Variants in FAM135A observed in about 807,000 individuals in gnomAD.
FAM135A encodes the protein family with sequence similarity 135 member A.
A neutral mutation model predicts 146.8 loss-of-function variants in FAM135A; 79 were observed. The observed-to-expected ratio is 0.54, with a 90% CI of 0.45 to 0.65. FAM135A has a LOEUF of 0.65. FAM135A is among the 30% of genes least tolerant of loss of function. The probability of loss-of-function intolerance (pLI) is 0.00; values close to 1 mark genes in which losing one functional copy is unlikely to be tolerated. For missense variants in FAM135A, 1,623 were observed against 1,758.2 expected (o/e 0.92, Z 1.38); for synonymous variants, 562 against 603.6 (o/e 0.93, Z 1.01).
intron 5 of FAM135A, among the ~76,000 whole-genome samples, chr6:70,458,945 T>C (rs1778901722): frequency 1.3e-5 from 2 of 152,218 alleles, no homozygotes; most frequent in Non-Finnish European, 2.9e-5. Flanking sequence ...TAGTAAATTA[T>C]TAAGGAAAGG....
Position 70,523,976 on chromosome 6 carries a change from T to G in FAM135A, c.1113T>G (p.Ser371Arg). 1 of 1,607,928 alleles carries G rather than the reference T, an allele frequency of 6.2e-7. No homozygotes were observed. Among genetic ancestry groups the G allele is most frequent in the Non-Finnish European group, 8.5e-7 (1 of 1,178,302 alleles). ...AIAYQELHAQ[S>R]HLQMCTAIKN... ...AAGAAATATTTTTCAGTGCTCAGAGTCATCTACAGATGTGCACCGCTATCA... is the reference window on the plus strand; with the variant it reads ...AAGAAATATTTTTCAGTGCTCAGAGGCATCTACAGATGTGCACCGCTATCA... Residue 371 changes from serine (S) to arginine (R), a missense_variant, in exon 14 of 22, where the codon AGT becomes AGG. Physicochemically the swap from Ser to Arg is moderately radical, Grantham distance 110 (BLOSUM62 -1). Transcript: ENST00000418814.
intron 4 of FAM135A, among the ~76,000 whole-genome samples, chr6:70,447,357 G>A (rs893805057): frequency 6.6e-6 from 1 of 152,236 alleles, no homozygotes; most frequent in Non-Finnish European, 1.5e-5. Flanking sequence ...CCAGGGAACA[G>A]AAGTAGATAT....
At chr6:70,444,942 TTC>T (rs973506600) in intron 4 of FAM135A, among the ~76,000 whole-genome samples, 3 of 152,240 alleles carry the variant, frequency 2.0e-5, no homozygotes, top group Non-Finnish European at 4.4e-5. Flanking sequence ...ATTTTACTTT[TTC>T]TGTTTTTTAT....
At chr6:70,460,974 C>G (rs1779327256) in intron 5 of FAM135A, among the ~76,000 whole-genome samples, 1 of 151,802 alleles carries the variant, frequency 6.6e-6, no homozygotes, top group African/African-American at 2.4e-5. Context: ...TAGGCACGCA[C>G]CACCACGCCT....
intron 10 of FAM135A, among the ~76,000 whole-genome samples, chr6:70,487,786 C>T (rs563839185): frequency 1.3e-5 from 2 of 152,184 alleles, no homozygotes; most frequent in East Asian, 3.9e-4. Flanking sequence ...TTATTGCCAG[C>T]CTATCAGTTT....
chr6:70,559,914 T>A lies in FAM135A; in HGVS notation c.4541T>A (p.Phe1514Tyr), dbSNP rs1277759617. ...TTTCTGGTTGCTGCCCTCAAATATT[T>A]CCAATAGTATAAAAGCATTGTTAGC... is the stretch of plus-strand genomic sequence containing the variant. The part of the protein sequence containing the change: ...KFFLVAALKY[F>Y]Q Residue 1514 changes from phenylalanine to tyrosine, a missense_variant, in exon 22 of 22, where the codon TTC becomes TAC. Phe to Tyr is a conservative substitution (Grantham distance 22). Transcript: ENST00000418814. 1.2e-6 allele frequency: 2 copies of A among 1,611,406 alleles called. No homozygotes were observed. Among genetic ancestry groups the A allele is most frequent in the Non-Finnish European group, 1.7e-6 (2 of 1,178,278 alleles).
intron 5 of FAM135A, among the ~76,000 whole-genome samples, chr6:70,460,843 GCTAT>G (rs1779281655): frequency 6.8e-6 from 1 of 147,594 alleles, no homozygotes; most frequent in Non-Finnish European, 1.5e-5. Flanking sequence ...TAGATAGATA[GCTAT>G]CTTTTTTTTT....
rs1325691982 is a variant in FAM135A, at chr6:70,524,823, C to G, written c.1739C>G (p.Thr580Arg). ...QKEASCLPTNTERTEQKSPDI... is the reference protein window; with the variant it reads ...QKEASCLPTNRERTEQKSPDI... ...GAAGCTAGCTGTTTGCCAACTAATA[C>G]AGAGAGAACTGAACAAAAGTCTCCA... The change falls in exon 15 of 22, where the codon ACA becomes AGA. Residue 580 changes from threonine (T) to arginine (R), a missense_variant. Thr to Arg is a moderately conservative substitution (Grantham distance 71). This residue lies in a region of FAM135A where 1,061 missense variants were observed against 1,113.8 expected (regional missense o/e 0.95). Coordinates refer to ENST00000418814, the MANE Select transcript of FAM135A (RefSeq NM_001162529.3). The G allele has an allele frequency of 1.3e-6, 2 of 1,568,340 alleles. No individual in the cohort carries two copies. The highest frequency in any genetic ancestry group is 1.7e-6 in the Non-Finnish European group (2 of 1,155,750).
At chr6:70,549,364 A>C (rs1164046764) in intron 20 of FAM135A, among the ~76,000 whole-genome samples, 1 of 152,168 alleles carries the variant, frequency 6.6e-6, no homozygotes, top group African/African-American at 2.4e-5. Flanking sequence ...CAAAATATTA[A>C]GTGAAAAAAG....
rs1195848306 is a variant in FAM135A at position 70,538,362 on chromosome 6, C to A, written c.4189C>A (p.Pro1397Thr). 1 of 1,511,852 alleles carries A rather than the reference C, an allele frequency of 6.6e-7. No individual in the cohort carries two copies. The highest frequency in any genetic ancestry group is 8.9e-7 in the Non-Finnish European group (1 of 1,123,538). 93.7% of individuals were successfully genotyped at this position (1,511,852 alleles called of 1,614,324 possible). A position where few individuals can be genotyped will look rare whatever the true frequency, so the allele number is the denominator to read the frequency against. The change falls in exon 20 of 22, where the codon CCT becomes ACT. Residue 1397 changes from proline to threonine, a missense_variant. By Grantham distance (38) the Pro-to-Thr change is conservative. This residue lies in a region of FAM135A where 138 missense variants were observed against 174.1 expected (regional missense o/e 0.79). Coordinates refer to ENST00000418814, the MANE Select transcript of FAM135A (RefSeq NM_001162529.3). ...LQLTCRDHSD[P>T]RQTFLYKLSN... ...GCTGACATGTCGAGATCACTCAGACCCTCGCCAAACTTTTTTATATAAGCT... is the reference window on the plus strand; with the variant it reads ...GCTGACATGTCGAGATCACTCAGACACTCGCCAAACTTTTTTATATAAGCT...
intron 11 of FAM135A, among the ~76,000 whole-genome samples, chr6:70,498,241 G>T (rs1299925005): frequency 6.6e-6 from 1 of 152,080 alleles, no homozygotes; most frequent in African/African-American, 2.4e-5. Flanking sequence ...ATTTCTTCCA[G>T]ATTTTCTAGT....
Position 70,526,750 on chromosome 6 carries a change from TACACACACACACACATACACACAC to T in FAM135A, c.3614+68_3614+91del, listed in dbSNP as rs1382878177. 20 of 851,538 alleles carry T rather than the reference TACACACACACACACATACACACAC, an allele frequency of 2.3e-5. 1 individual carries two copies. Among genetic ancestry groups the T allele is most frequent in the African/African-American group, 1.4e-4 (7 of 48,460 alleles). The allele number at this position is 851,538 out of a possible 1,614,324, so 52.7% of individuals were successfully genotyped here. The stretch of plus-strand genomic sequence containing the variant: ...GCTGCTAAATATATACATATATATA[TACACACACACACACATACACACAC>T]ACACACACACACACACACACACACA... On this transcript the variant is annotated intron_variant, in intron 15 of 21. Coordinates refer to ENST00000418814, the MANE Select transcript of FAM135A (RefSeq NM_001162529.3).
chr6:70,482,282 A>G, intron 10 of FAM135A, 128 bp downstream of exon 10: 1 of 825,456 alleles, frequency 1.2e-6, no homozygotes, highest in Non-Finnish European at 1.7e-6. Context: ...TCACTTCTCT[A>G]TCAATTCCAT....
intron 4 of FAM135A, among the ~76,000 whole-genome samples, chr6:70,438,075 AC>A (rs1773629301): frequency 6.6e-6 from 1 of 152,226 alleles, no homozygotes; most frequent in African/African-American, 2.4e-5. Flanking sequence ...GCCAGAGTCA[AC>A]ATAGCAAAAG....
rs146438495 is a variant in FAM135A at position 70,491,050 on chromosome 6, A to G, written c.840A>G (p.Glu280=). The change falls in exon 11 of 22, where the codon GAA becomes GAG. Residue 280 remains glutamate (E), a synonymous_variant. Coordinates refer to ENST00000418814, the MANE Select transcript of FAM135A (RefSeq NM_001162529.3). ...TCCTTCCAGAGGAAATGGATGTAGA[A>G]GCTCGACTTACTGAACTATGTGAAG... ...QKLELEEMDV[E]ARLTELCEEV... is the part of the protein sequence containing the mutation. 6.2e-7 allele frequency: 1 copy of G among 1,601,764 alleles called. No homozygotes were observed. The highest frequency in any genetic ancestry group is 1.3e-5 in the African/African-American group (1 of 74,436).
intron 11 of FAM135A, among the ~76,000 whole-genome samples, chr6:70,499,300 CTGTT>C (rs551544699): frequency 1.2e-4 from 18 of 152,126 alleles, no homozygotes; most frequent in South Asian, 2.1e-4. Flanking sequence ...TCATCCCCTG[CTGTT>C]TGTTTGTTTG....
chr6:70,507,853 G>A (rs559191738), intron 12 of FAM135A, among the ~76,000 whole-genome samples: 16 of 152,102 alleles, frequency 1.1e-4, no homozygotes, highest in African/African-American at 3.4e-4. Context: ...AAGTGGGACA[G>A]TTTACACAAA....
At chr6:70,427,901 G>A (rs867572393) in intron 3 of FAM135A, among the ~76,000 whole-genome samples, 4 of 152,088 alleles carry the variant, frequency 2.6e-5, no homozygotes, top group African/African-American at 9.7e-5. Context: ...ATTGAAGAGT[G>A]TTAATTTTTT....
intron 12 of FAM135A, among the ~76,000 whole-genome samples, chr6:70,518,237 A>G (rs1044829574): frequency 1.3e-5 from 2 of 152,234 alleles, no homozygotes; most frequent in Admixed American, 6.5e-5. Flanking sequence ...ACCAGCCACA[A>G]CAGTGCCTTA....
Sources: allele counts gnomAD v4.1 joint callset (sites outside exome capture counted in the v4.1 genomes callset), GRCh38; gene constraint gnomAD v4.1.1; regional missense constraint gnomAD v4.1.1; transcripts MANE v1.5; gene names NCBI Gene and HGNC (gene_info 2026-07-23, HGNC 2026-07-21).